The following SCART1 variants were observed in gnomAD, a reference collection of about 807,000 sequenced individuals.
SCART1 encodes the protein scavenger receptor cysteine-rich domain-containing protein SCART1.
A neutral mutation model predicts 36.2 loss-of-function variants in SCART1; 62 were observed. The observed-to-expected ratio is 1.71, with a 90% CI of 1.40 to 2.12. The LOEUF is 2.12. Among genes scored for constraint, SCART1 ranks in the 30% most tolerant of loss-of-function variants. SCART1 has a pLI of 0.00. For synonymous variants in SCART1, 487 were observed against 238.7 expected (o/e 2.04, Z -9.59); for missense variants, 1,041 against 540.5 (o/e 1.93, Z -9.18).
At chr10:133,459,404 G>T (rs780358708) in intron 5 of SCART1, 78 bp downstream of exon 5, 1 of 614,290 alleles carries the variant, frequency 1.6e-6, no homozygotes, top group African/African-American at 1.8e-5. Context: ...GACAGAGGGG[G>T]CGGAGAGGTA....
At chr10:133,467,497 G>A (rs112637593) in intron 11 of SCART1, 144 bp downstream of exon 11, 22 of 596,158 alleles carry the variant, frequency 3.7e-5, no homozygotes, top group Middle Eastern at 4.4e-4. Flanking sequence ...AAAGGGACTC[G>A]TGGGCAGGGG....
chr10:133,459,223 C>T (rs887150485), exon 5 of SCART1: 1 of 699,316 alleles, frequency 1.4e-6, no homozygotes, highest in Non-Finnish European at 2.6e-6. Flanking sequence ...GGCCTGATGC[C>T]TTTCACTGTG....
intron 1 of SCART1, among the ~76,000 whole-genome samples, chr10:133,454,517 G>A (rs942742293): frequency 2.0e-5 from 3 of 152,146 alleles, no homozygotes; most frequent in Non-Finnish European, 2.9e-5. Flanking sequence ...AGACACTGGG[G>A]TGTGAAGCCA....
chr10:133,456,671 C>G (rs1438377421), intron 2 of SCART1, 117 bp downstream of exon 2: 1 of 587,300 alleles, frequency 1.7e-6, no homozygotes, highest in Non-Finnish European at 3.0e-6. Flanking sequence ...CGGAGACGGG[C>G]GGGGAGGCTG....
exon 4 of SCART1, chr10:133,458,638 G>A (rs572203991): frequency 5.2e-4 from 367 of 699,976 alleles, no homozygotes; most frequent in South Asian, 5.2e-3. Context: ...TGGTCACGAC[G>A]CGGGGCTCAG....
exon 9 of SCART1, chr10:133,465,534 G>C (rs1425970999): frequency 1.9e-6 from 1 of 528,714 alleles, no homozygotes. Flanking sequence ...GAGACCGCGC[G>C]CACGAGGAGG....
intron 10 of SCART1, 119 bp from the exon 11 acceptor site, chr10:133,467,079 C>A: frequency 1.7e-6 from 1 of 573,298 alleles, no homozygotes; most frequent in Non-Finnish European, 3.1e-6. Flanking sequence ...CATCCCAGCC[C>A]ACAGCATCCT....
chr10:133,456,939 C>T (rs1360657398), intron 2 of SCART1: 5 of 493,604 alleles, frequency 1.0e-5, no homozygotes, highest in South Asian at 6.0e-5. Flanking sequence ...AGGTCTGGCT[C>T]GAGGGTCCTC....
chr10:133,459,964 G>T (rs768487082), exon 6 of SCART1: 2 of 544,798 alleles, frequency 3.7e-6, no homozygotes, highest in East Asian at 3.3e-5. Flanking sequence ...TGGGACCTGC[G>T]GGACGCGCAC....
chr10:133,462,598 G>A (rs1484033927), intron 6 of SCART1, among the ~76,000 whole-genome samples: 4 of 152,228 alleles, frequency 2.6e-5, no homozygotes, highest in Admixed American at 6.5e-5. Flanking sequence ...CAAGGTGTGT[G>A]GCTCCGACCT....
At chr10:133,463,102 A>G (rs1215321486) in intron 6 of SCART1, among the ~76,000 whole-genome samples, 1 of 152,194 alleles carries the variant, frequency 6.6e-6, no homozygotes, top group African/African-American at 2.4e-5. Flanking sequence ...ACATGCCATT[A>G]GGTGACCATA....
chr10:133,464,696 GC>G lies in SCART1; in HGVS notation c.2061del (p.Ser687ArgfsTer4), dbSNP rs1850741794. ...AATGGGACCTGGGGCGCCATGTGCA[GC>G]AATGCCCTGAAGGACCTCTCCTTGT... On this transcript the variant is annotated frameshift_variant, in exon 7 of 12. Coordinates refer to ENST00000640237, the Ensembl canonical transcript of SCART1. LOFTEE classifies it high-confidence loss of function. The G allele has an allele frequency of 1.4e-6, 1 of 701,550 alleles. No homozygotes were observed. Among genetic ancestry groups the G allele is most frequent in the Non-Finnish European group, 2.6e-6 (1 of 384,370 alleles). 43.5% of individuals were successfully genotyped at this position (701,550 alleles called of 1,614,324 possible). A position where few individuals can be genotyped will look rare whatever the true frequency, so the allele number is the denominator to read the frequency against.
At chr10:133,458,235 T>C (rs1850643755) in intron 3 of SCART1, 125 bp from the exon 4 acceptor site, 1 of 700,856 alleles carries the variant, frequency 1.4e-6, no homozygotes, top group East Asian at 2.7e-5. Context: ...TGCCTGTGCT[T>C]GGTAGACCCT....
intron 1 of SCART1, among the ~76,000 whole-genome samples, chr10:133,455,181 C>T (rs893462626): frequency 5.3e-5 from 8 of 152,164 alleles, no homozygotes; most frequent in African/African-American, 1.9e-4. Flanking sequence ...GCACGAGAAT[C>T]AGTTCAACCC....
chr10:133,469,574 C>G (rs1199162666), downstream of SCART1, among the ~76,000 whole-genome samples: 1 of 151,458 alleles, frequency 6.6e-6, no homozygotes, highest in Non-Finnish European at 1.5e-5. Flanking sequence ...AGGGGAACAT[C>G]ACACACTGGG....
Position 133,458,518 on chromosome 10 carries a change from G to GC in SCART1, c.844dup (p.Arg282ProfsTer57). ...GGCGGTCGTGTCCACGCCCGAGGGC[G>GC]CCCGCTTCGGCCGGGGCTCGGGGCC... is the stretch of plus-strand genomic sequence containing the variant. On this transcript the variant is annotated frameshift_variant, in exon 4 of 12. Transcript: ENST00000640237. LOFTEE classifies it high-confidence loss of function. 1 of 674,712 alleles carries GC rather than the reference G, an allele frequency of 1.5e-6. No homozygotes were observed. Among genetic ancestry groups the GC allele is most frequent in the Non-Finnish European group, 2.7e-6 (1 of 376,324 alleles). 41.8% of individuals were successfully genotyped at this position (674,712 alleles called of 1,614,324 possible).
chr10:133,455,578 G>A (rs991900213), intron 1 of SCART1, among the ~76,000 whole-genome samples: 2 of 151,986 alleles, frequency 1.3e-5, no homozygotes, highest in Admixed American at 6.5e-5. Context: ...CATTTTCCTC[G>A]GGGTGGCTGT....
intron 6 of SCART1, among the ~76,000 whole-genome samples, chr10:133,461,397 A>C (rs1850700144): frequency 6.6e-6 from 1 of 152,132 alleles, no homozygotes; most frequent in African/African-American, 2.4e-5. Flanking sequence ...GGCTCTTCTC[A>C]TTGATTTTGG....
exon 10 of SCART1, chr10:133,466,265 C>G: frequency 1.4e-6 from 1 of 702,978 alleles, no homozygotes; most frequent in Non-Finnish European, 2.6e-6. Flanking sequence ...CTGCCTGCAG[C>G]TCCCTTCCGG....
Sources: allele counts gnomAD v4.1 joint callset (sites outside exome capture counted in the v4.1 genomes callset), GRCh38; gene constraint gnomAD v4.1.1; transcripts MANE v1.5; gene names NCBI Gene and HGNC (gene_info 2026-07-23, HGNC 2026-07-21).